Variants in CDHR3 observed in about 807,000 individuals in gnomAD.
CDHR3 encodes the protein cadherin related family member 3.
Under a neutral mutation model 86.6 loss-of-function variants are expected in CDHR3, and 79 were observed. That is an observed-to-expected ratio of 0.91 (90% CI 0.76 to 1.10). CDHR3 has a LOEUF of 1.10. Among genes scored for constraint, CDHR3 ranks in the 50% least tolerant of loss-of-function variants. The pLI is 0.00. For synonymous variants in CDHR3, 421 were observed against 402.4 expected (o/e 1.05, Z -0.55); for missense variants, 1,081 against 1,077.6 (o/e 1.00, Z -0.04).
chr7:106,032,803 A>T lies in CDHR3; in HGVS notation c.*106A>T, dbSNP rs752223481. On this transcript the variant is annotated 3_prime_UTR_variant, in exon 19 of 19. Coordinates refer to ENST00000317716, the MANE Select transcript of CDHR3 (RefSeq NM_152750.5). ...AGGGGGGAAAATGTGGGCTGAGGGG[A>T]TTCAGACATCCAGGGTCAAACATGG... 13 of 1,204,972 alleles carry T rather than the reference A, an allele frequency of 1.1e-5. No individual in the cohort carries two copies. The highest frequency in any genetic ancestry group is 1.5e-5 in the Non-Finnish European group (13 of 878,408). 74.6% of individuals were successfully genotyped at this position (1,204,972 alleles called of 1,614,324 possible).
rs1417318234 is a variant in CDHR3 at position 106,004,551 on chromosome 7, A to C, written c.916A>C (p.Arg306=). 6.2e-7 allele frequency: 1 copy of C among 1,614,044 alleles called. No individual in the cohort carries two copies. The highest frequency in any genetic ancestry group is 8.5e-7 in the Non-Finnish European group (1 of 1,179,898). ...GATAGACCGAGATGCAGGTGAATTG[A>C]GACAAAATCCCACCATTTCCCTGGA... The part of the protein sequence containing the change: ...QRIDRDAGEL[R]QNPTISLEVL... The change falls in exon 8 of 19, where the codon AGA becomes CGA. Residue 306 remains arginine (R), a synonymous_variant. Coordinates refer to ENST00000317716, the MANE Select transcript of CDHR3 (RefSeq NM_152750.5).
chr7:106,006,185 A>T (rs1487252648), intron 8 of CDHR3, among the ~76,000 whole-genome samples: 2 of 152,142 alleles, frequency 1.3e-5, no homozygotes, highest in Admixed American at 1.3e-4. Context: ...CTCAGGAAAG[A>T]CTTGCCCCCA....
chr7:106,025,969 T>C (rs1837291738), intron 15 of CDHR3, among the ~76,000 whole-genome samples: 1 of 152,228 alleles, frequency 6.6e-6, no homozygotes. Context: ...ACAAATCCAA[T>C]AGACACTGCA....
intron 8 of CDHR3, among the ~76,000 whole-genome samples, chr7:106,011,688 T>C (rs1233134383): frequency 1.3e-5 from 2 of 152,238 alleles, no homozygotes; most frequent in African/African-American, 4.8e-5. Context: ...GTCCATTTTA[T>C]AGATGGAGGA....
chr7:105,980,818 G>A (rs1299072218), intron 2 of CDHR3, 150 bp from the exon 3 acceptor site: 3 of 704,932 alleles, frequency 4.3e-6, no homozygotes, highest in African/African-American at 1.8e-5. Context: ...GAAGGACTAA[G>A]GCAAAACAAC....
At chr7:106,011,741 G>A (rs552208047) in intron 8 of CDHR3, among the ~76,000 whole-genome samples, 1 of 152,362 alleles carries the variant, frequency 6.6e-6, no homozygotes, top group South Asian at 2.1e-4. Context: ...ATGAATGGAA[G>A]TCTCAAGGTG....
At chr7:105,976,301 C>T (rs1369011930) in intron 2 of CDHR3, among the ~76,000 whole-genome samples, 2 of 152,092 alleles carry the variant, frequency 1.3e-5, no homozygotes, top group South Asian at 2.1e-4. Flanking sequence ...AGGATTGTAT[C>T]CATCTTATTA....
chr7:105,968,952 G>T (rs1482119736), intron 1 of CDHR3, among the ~76,000 whole-genome samples: 1 of 151,554 alleles, frequency 6.6e-6, no homozygotes, highest in South Asian at 2.1e-4. Flanking sequence ...GCCAGGCGTG[G>T]TGGCGGGCAC....
Position 106,010,104 on chromosome 7 carries a change from C to T in CDHR3, c.1053-2756C>T, listed in dbSNP as rs186729694. On this transcript the variant is annotated intron_variant, in intron 8 of 18. Transcript: ENST00000317716. Reference sequence around the variant, plus strand: ...TTGGAGTGCCTGAAATGTCTGGCTTCGGGACCTTGGATTCTTTAAATGATG... The same window carrying T: ...TTGGAGTGCCTGAAATGTCTGGCTTTGGGACCTTGGATTCTTTAAATGATG... 1.1e-4 allele frequency among the ~76,000 whole-genome samples: 17 copies of T among 152,252 alleles called. No homozygotes were observed. The South Asian group carries it at 2.9e-3, about 26-fold the overall frequency.
chr7:106,022,518 C>A, intron 14 of CDHR3, 70 bp downstream of exon 14: 2 of 1,565,288 alleles, frequency 1.3e-6, no homozygotes, highest in South Asian at 1.2e-5. Context: ...CTTCTTTCCC[C>A]GGCCTGGAGG....
At chr7:106,002,843 G>C (rs1833407051) in intron 7 of CDHR3, among the ~76,000 whole-genome samples, 1 of 152,048 alleles carries the variant, frequency 6.6e-6, no homozygotes, top group African/African-American at 2.4e-5. Context: ...ATACTTAAAG[G>C]TCATTCATGG....
intron 1 of CDHR3, among the ~76,000 whole-genome samples, chr7:105,973,075 C>T (rs1017210595): frequency 6.6e-6 from 1 of 152,198 alleles, no homozygotes; most frequent in African/African-American, 2.4e-5. Context: ...TCCCTACCCA[C>T]TCCGTGCCTC....
chr7:106,001,637 T>C, intron 7 of CDHR3, 27 bp downstream of exon 7: 1 of 1,612,556 alleles, frequency 6.2e-7, no homozygotes, highest in Non-Finnish European at 8.5e-7. Context: ...CATCCTTAAG[T>C]GCATCCTCTA....
At chr7:106,028,995 TTTAAGA>T (rs1837914872) in intron 17 of CDHR3, among the ~76,000 whole-genome samples, 5 of 148,912 alleles carry the variant, frequency 3.4e-5, no homozygotes, top group African/African-American at 5.0e-5. Context: ...TTTCTTTCTT[TTTAAGA>T]CACAGTTTCA....
At chr7:106,018,578 G>A (rs1161396826) in intron 12 of CDHR3, among the ~76,000 whole-genome samples, 1 of 152,106 alleles carries the variant, frequency 6.6e-6, no homozygotes, top group African/African-American at 2.4e-5. Context: ...ACTGACAAAA[G>A]CACTAAAGTT....
chr7:106,015,832 C>T (rs780849231), intron 10 of CDHR3, 95 bp from the exon 11 acceptor site: 1 of 946,168 alleles, frequency 1.1e-6, no homozygotes, highest in Non-Finnish European at 1.7e-6. Context: ...CCCCTATGCG[C>T]AAAGCCTGTA....
intron 5 of CDHR3, 70 bp downstream of exon 5, chr7:105,994,915 C>A: frequency 1.6e-6 from 2 of 1,271,068 alleles, no homozygotes; most frequent in South Asian, 2.6e-5. Flanking sequence ...AGGGATAGGT[C>A]ACAGTGCAAC....
At chr7:106,014,676 C>G (rs1166929019) in intron 9 of CDHR3, among the ~76,000 whole-genome samples, 2 of 152,166 alleles carry the variant, frequency 1.3e-5, no homozygotes, top group African/African-American at 4.8e-5. Flanking sequence ...TGGCTTCTCT[C>G]TCTCAAAATA....
At chr7:106,022,641 TA>T (rs1032231299) in intron 14 of CDHR3, among the ~76,000 whole-genome samples, 193 bp downstream of exon 14, 3 of 152,208 alleles carry the variant, frequency 2.0e-5, no homozygotes, top group Non-Finnish European at 4.4e-5. Flanking sequence ...CTCAGACTCA[TA>T]ACCGCTAACT....
Sources: gnomAD v4.1 joint callset for allele counts (sites outside exome capture counted in the v4.1 genomes callset) on GRCh38, gnomAD v4.1.1 for gene constraint, MANE v1.5 for transcripts, NCBI Gene and HGNC (gene_info 2026-07-23, HGNC 2026-07-21) for gene names.